SLC24A2: variants seen among roughly 807,000 people sequenced by gnomAD.
SLC24A2 encodes the protein solute carrier family 24 member 2, also known as sodium/potassium/calcium exchanger 2.
A neutral mutation model predicts 62.0 loss-of-function variants in SLC24A2; 36 were observed. The observed-to-expected ratio is 0.58, with a 90% CI of 0.44 to 0.77. The LOEUF (loss-of-function observed/expected upper bound fraction) is 0.77. SLC24A2 is among the 30% of genes least tolerant of loss of function. The pLI, the probability that SLC24A2 is intolerant of heterozygous loss-of-function variation, is 0.00. For missense variants in SLC24A2, 846 were observed against 817.9 expected, an observed-to-expected ratio of 1.03 and a Z score of -0.42; for synonymous variants, 358 against 294.0, an observed-to-expected ratio of 1.22 and a Z score of -2.23.
chr9:20,230,289 G>C, the SLC24A2 span, among the ~76,000 whole-genome samples: 1 of 152,146 alleles, frequency 6.6e-6, no homozygotes, highest in Non-Finnish European at 1.5e-5. Flanking sequence ...TCTAGTTCTA[G>C]ATCCCTGAGG....
the SLC24A2 span, among the ~76,000 whole-genome samples, chr9:19,960,976 G>C: frequency 2.0e-5 from 3 of 151,210 alleles, no homozygotes; most frequent in South Asian, 4.2e-4. Context: ...CCCTAGACTA[G>C]GTGACAATAT....
the SLC24A2 span, among the ~76,000 whole-genome samples, chr9:20,077,096 G>A: frequency 6.6e-6 from 1 of 151,754 alleles, no homozygotes; most frequent in Admixed American, 6.6e-5. Flanking sequence ...TTTAAAAAAA[G>A]GTTCAAATAG....
chr9:20,126,582 T>C, the SLC24A2 span, among the ~76,000 whole-genome samples: 1 of 152,180 alleles, frequency 6.6e-6, no homozygotes, highest in Non-Finnish European at 1.5e-5. Context: ...CAATTGAACA[T>C]ATTTTTCTTT....
intron 8 of SLC24A2, among the ~76,000 whole-genome samples, chr9:19,545,044 C>G (rs977284224): frequency 1.3e-5 from 2 of 152,102 alleles, no homozygotes; most frequent in African/African-American, 4.8e-5. Context: ...TCCATTCTCT[C>G]CATCACTTTC....
chr9:19,732,310 A>T (rs1411267177), intron 2 of SLC24A2, among the ~76,000 whole-genome samples: 1 of 152,116 alleles, frequency 6.6e-6, no homozygotes, highest in Admixed American at 6.6e-5. Context: ...CCACAGTCTG[A>T]TTAGCTTTCA....
chr9:20,067,313 G>A, the SLC24A2 span, among the ~76,000 whole-genome samples: 1 of 152,178 alleles, frequency 6.6e-6, no homozygotes, highest in African/African-American at 2.4e-5. Flanking sequence ...GTGACAGGAT[G>A]GGGCTAAAAT....
chr9:19,552,039 G>A (rs1043065565), intron 7 of SLC24A2, among the ~76,000 whole-genome samples: 3 of 152,124 alleles, frequency 2.0e-5, no homozygotes, highest in Non-Finnish European at 4.4e-5. Flanking sequence ...TAATAATAAG[G>A]CAGCATCAGG....
the SLC24A2 span, among the ~76,000 whole-genome samples, chr9:20,144,841 T>TAA: frequency 6.7e-6 from 1 of 148,944 alleles, no homozygotes; most frequent in East Asian, 2.0e-4. Flanking sequence ...AATGTTAGTT[T>TAA]AAAAAAAAAA....
At chr9:19,818,630 T>C in the SLC24A2 span, among the ~76,000 whole-genome samples, 2 of 151,962 alleles carry the variant, frequency 1.3e-5, no homozygotes, top group African/African-American at 4.8e-5. Flanking sequence ...CTTAGAAATA[T>C]ACCTAACCAA....
At chr9:20,096,911 T>C in the SLC24A2 span, among the ~76,000 whole-genome samples, 3 of 151,658 alleles carry the variant, frequency 2.0e-5, no homozygotes, top group South Asian at 6.3e-4. Context: ...GATTCGTCTT[T>C]TTCCCAAATC....
the SLC24A2 span, among the ~76,000 whole-genome samples, chr9:20,115,344 C>A: frequency 6.6e-6 from 1 of 152,034 alleles, no homozygotes; most frequent in Non-Finnish European, 1.5e-5. Flanking sequence ...AGATTGAAGG[C>A]AATTGTGTTT....
the SLC24A2 span, among the ~76,000 whole-genome samples, chr9:19,850,976 TA>T: frequency 8.5e-5 from 4 of 47,182 alleles, no homozygotes; most frequent in East Asian, 3.7e-4. Flanking sequence ...TGTATATATA[TA>T]TATATATGTA....
At chr9:20,201,180 C>T in the SLC24A2 span, among the ~76,000 whole-genome samples, 52 of 152,310 alleles carry the variant, frequency 3.4e-4, no homozygotes, top group African/African-American at 1.3e-3. Flanking sequence ...CAGCTAATAG[C>T]TATCATGAGC....
chr9:20,280,511 T>C, the SLC24A2 span, among the ~76,000 whole-genome samples: 133 of 152,312 alleles, frequency 8.7e-4, no homozygotes, highest in African/African-American at 3.1e-3. Context: ...TTGCCCTGAA[T>C]GATTGTGCAA....
the SLC24A2 span, among the ~76,000 whole-genome samples, chr9:19,831,979 A>G: frequency 6.6e-6 from 1 of 152,248 alleles, no homozygotes; most frequent in Non-Finnish European, 1.5e-5. Flanking sequence ...CTGATCCAGC[A>G]TTAGTTGGAC....
At chr9:20,184,800 A>C in the SLC24A2 span, among the ~76,000 whole-genome samples, 1 of 151,906 alleles carries the variant, frequency 6.6e-6, no homozygotes, top group Non-Finnish European at 1.5e-5. Context: ...AGATAACTAC[A>C]CTCTCATGTT....
At chr9:19,973,543 C>A in the SLC24A2 span, among the ~76,000 whole-genome samples, 2 of 152,166 alleles carry the variant, frequency 1.3e-5, no homozygotes, top group African/African-American at 4.8e-5. Context: ...TGGGTCCTGC[C>A]TTTACCATTT....
In SLC24A2 at chr9:19,759,863, A is replaced by G. The variant is rs1188180744; in HGVS notation, c.930+26074T>C. ...AGTGAACCACCCTTGAGGCCCATCA[A>G]ACTCCATATAAACACCCTGCTATAT... On this transcript the variant is annotated intron_variant, in intron 2 of 10. Coordinates refer to ENST00000341998, the MANE Select transcript of SLC24A2 (RefSeq NM_020344.4). Among the ~76,000 whole-genome samples the G allele has an allele frequency of 2.0e-5, 3 of 152,146 alleles. No homozygotes were observed. In the East Asian group the frequency reaches 5.8e-4, roughly 29 times the overall value.
intron 2 of SLC24A2, among the ~76,000 whole-genome samples, chr9:19,707,328 C>T (rs896755309): frequency 1.3e-5 from 2 of 151,354 alleles, no homozygotes; most frequent in African/African-American, 4.9e-5. Context: ...ACCAGAGGTA[C>T]AAGGAGGAGC....
Sources: allele counts gnomAD v4.1 joint callset (sites outside exome capture counted in the v4.1 genomes callset), GRCh38; gene constraint gnomAD v4.1.1; transcripts MANE v1.5; gene names NCBI Gene and HGNC (gene_info 2026-07-23, HGNC 2026-07-21).